The following BAALC variants were observed in gnomAD, a reference collection of about 807,000 sequenced individuals.
BAALC encodes the protein BAALC binder of MAP3K1 and KLF4, also known as brain and acute leukemia cytoplasmic protein.
Under a neutral mutation model 15.5 loss-of-function variants are expected in BAALC, and 9 were observed. The ratio of observed to expected loss-of-function variants is 0.58; its 90% CI spans 0.35 to 1.02. The LOEUF (loss-of-function observed/expected upper bound fraction) is 1.02. BAALC is among the 50% of genes least tolerant of loss of function. The pLI, the probability that BAALC is intolerant of heterozygous loss-of-function variation, is 0.02. For synonymous variants in BAALC, 80 were observed against 74.6 expected, an observed-to-expected ratio of 1.07 and a Z score of -0.37; for missense variants, 201 against 192.4, an observed-to-expected ratio of 1.04 and a Z score of -0.27.
chr8:103,157,429 G>C (rs1218122956), intron 1 of BAALC, among the ~76,000 whole-genome samples: 2 of 151,800 alleles, frequency 1.3e-5, no homozygotes, highest in Admixed American at 6.6e-5. Context: ...TCATCAATTG[G>C]GTAATTTTGA....
intron 1 of BAALC, among the ~76,000 whole-genome samples, chr8:103,206,643 T>C (rs1036088575): frequency 6.6e-6 from 1 of 151,974 alleles, no homozygotes; most frequent in Non-Finnish European, 1.5e-5. Context: ...AGAGTGAGAC[T>C]GGAGGGGCAG....
chr8:103,141,056 G>T lies in BAALC; in HGVS notation c.159G>T (p.Ser53=). 6.7e-7 allele frequency: 1 copy of T among 1,492,294 alleles called. No individual in the cohort carries two copies. 92.4% of individuals were successfully genotyped at this position (1,492,294 alleles called of 1,614,324 possible). The change falls in exon 1 of 3, where the codon TCG becomes TCT. Residue 53 remains serine (S), a splice_region_variant and synonymous_variant. Transcript: ENST00000309982. ...DSGPEAGGLH[S]GMLEDGLPSN... ...GCCCCGAAGCGGGCGGCCTGCACTC[G>T]GGTAAGTGGCCGGGCCCCTGCAGAC...
intron 1 of BAALC, among the ~76,000 whole-genome samples, chr8:103,182,800 T>C (rs914924715): frequency 1.3e-5 from 2 of 152,186 alleles, no homozygotes; most frequent in African/African-American, 4.8e-5. Context: ...ACCAGGCTGC[T>C]AAGTAGCAAG....
chr8:103,196,483 G>T (rs550854676), intron 1 of BAALC, among the ~76,000 whole-genome samples: 10 of 152,140 alleles, frequency 6.6e-5, no homozygotes, highest in African/African-American at 2.2e-4. Flanking sequence ...TTTTTGCCAT[G>T]TTGCCCACAC....
At chr8:103,198,140 G>T in intron 1 of BAALC, 1 of 702,160 alleles carries the variant, frequency 1.4e-6, no homozygotes, top group Non-Finnish European at 2.6e-6. Flanking sequence ...CCTACAGAAA[G>T]TTGGGCATCC....
intron 1 of BAALC, among the ~76,000 whole-genome samples, chr8:103,145,638 C>A (rs1371342072): frequency 2.0e-5 from 3 of 152,178 alleles, no homozygotes; most frequent in East Asian, 1.9e-4. Flanking sequence ...TGCCATATTA[C>A]CTTGAAGACT....
intron 1 of BAALC, among the ~76,000 whole-genome samples, chr8:103,177,244 T>TG (rs1178254060): frequency 9.9e-5 from 15 of 151,242 alleles, no homozygotes; most frequent in Admixed American, 7.3e-4. Flanking sequence ...TGGGGTGCAG[T>TG]GACATGATCT....
chr8:103,228,143 T>G lies in BAALC; in HGVS notation c.*44T>G. 2 of 1,302,110 alleles carry G rather than the reference T, an allele frequency of 1.5e-6. No homozygotes were observed. The highest frequency in any genetic ancestry group is 2.2e-6 in the Non-Finnish European group (2 of 901,650). The allele number at this position is 1,302,110 out of a possible 1,614,324, so 80.7% of individuals were successfully genotyped here. ...GGGCAGATGGACTTCTTCAGTGTCC[T>G]TCACGGCACTGGATCCCATCAAAGA... On this transcript the variant is annotated 3_prime_UTR_variant, in exon 3 of 3. Coordinates refer to ENST00000309982, the MANE Select transcript of BAALC (RefSeq NM_024812.3).
chr8:103,213,136 C>T lies in BAALC; in HGVS notation c.327+51C>T, dbSNP rs747252716. On this transcript the variant is annotated intron_variant, in intron 2 of 2. Transcript: ENST00000309982. The stretch of plus-strand genomic sequence containing the variant: ...TGGGGACTGGAGAATGGGGGTAGGG[C>T]TTGCTTCAGGGCAGAGCCACCCAGC... The T allele has an allele frequency of 1.8e-5, 29 of 1,589,964 alleles. No homozygotes were observed. In the South Asian group the frequency reaches 3.3e-4, roughly 18 times the overall value.
At chr8:103,222,141 G>T (rs1012020992) in intron 2 of BAALC, among the ~76,000 whole-genome samples, 3 of 152,146 alleles carry the variant, frequency 2.0e-5, no homozygotes, top group African/African-American at 7.2e-5. Context: ...AAAGGATTGT[G>T]GAGACCAAGT....
At chr8:103,165,658 G>T (rs1046278674) in intron 1 of BAALC, 1 of 152,158 alleles carries the variant, frequency 6.6e-6, no homozygotes, top group Non-Finnish European at 1.5e-5. Flanking sequence ...ATAAGATGGA[G>T]ATTTATGACT....
intron 1 of BAALC, among the ~76,000 whole-genome samples, chr8:103,148,075 C>G (rs900084303): frequency 3.3e-5 from 5 of 152,136 alleles, no homozygotes; most frequent in Non-Finnish European, 5.9e-5. Context: ...CCCTCTCTAC[C>G]CCGGTACCTC....
At chr8:103,162,024 G>A (rs1811237980) in intron 1 of BAALC, among the ~76,000 whole-genome samples, 1 of 152,042 alleles carries the variant, frequency 6.6e-6, no homozygotes, top group African/African-American at 2.4e-5. Context: ...ACAGTGATAC[G>A]ATCAAGGTTC....
At chr8:103,204,911 G>A (rs949617646) in intron 1 of BAALC, among the ~76,000 whole-genome samples, 2 of 152,186 alleles carry the variant, frequency 1.3e-5, no homozygotes, top group African/African-American at 4.8e-5. Flanking sequence ...AGCAATCACA[G>A]CTTGTTTTAC....
chr8:103,148,703 C>G (rs560928401), intron 1 of BAALC, among the ~76,000 whole-genome samples: 1 of 152,160 alleles, frequency 6.6e-6, no homozygotes, highest in Non-Finnish European at 1.5e-5. Flanking sequence ...GCCTCCAGAA[C>G]TGGGAAACAG....
chr8:103,158,316 A>G (rs1811144700), intron 1 of BAALC, among the ~76,000 whole-genome samples: 1 of 152,234 alleles, frequency 6.6e-6, no homozygotes, highest in African/African-American at 2.4e-5. Flanking sequence ...ACTAGCGTTA[A>G]TAACAATGTA....
rs117445972 is a variant in BAALC at position 103,227,988 on chromosome 8, G to A, written c.328-1G>A. 6.2e-7 allele frequency: 1 copy of A among 1,606,150 alleles called. No homozygotes were observed. Among genetic ancestry groups the A allele is most frequent in the East Asian group, 2.2e-5 (1 of 44,772 alleles). ...TCAATTCACTGTTTTCAACTTAACAGGCTAAAAGAGATGCTAAGAGAATGC... is the reference window on the plus strand; with the variant it reads ...TCAATTCACTGTTTTCAACTTAACAAGCTAAAAGAGATGCTAAGAGAATGC... On this transcript the variant is annotated splice_acceptor_variant, in intron 2 of 2. Coordinates refer to ENST00000309982, the MANE Select transcript of BAALC (RefSeq NM_024812.3). LOFTEE classifies it high-confidence loss of function.
intron 1 of BAALC, among the ~76,000 whole-genome samples, chr8:103,168,290 T>A (rs1245695982): frequency 6.6e-6 from 1 of 152,218 alleles, no homozygotes; most frequent in Non-Finnish European, 1.5e-5. Context: ...TCTTTCTTGA[T>A]GTTTCGGTCT....
intron 1 of BAALC, among the ~76,000 whole-genome samples, chr8:103,176,919 C>T (rs935243379): frequency 2.6e-5 from 4 of 152,156 alleles, no homozygotes; most frequent in African/African-American, 9.7e-5. Flanking sequence ...GTGCTACCTC[C>T]CCTTTGCTGG....
Sources: allele counts gnomAD v4.1 joint callset (sites outside exome capture counted in the v4.1 genomes callset), GRCh38; gene constraint gnomAD v4.1.1; transcripts MANE v1.5; gene names NCBI Gene and HGNC (gene_info 2026-07-23, HGNC 2026-07-21).